CARD9: variants seen among roughly 807,000 people sequenced by gnomAD.
CARD9 encodes the protein caspase recruitment domain family member 9.
A neutral mutation model predicts 66.0 loss-of-function variants in CARD9; 53 were observed. The ratio of observed to expected loss-of-function variants is 0.80; its 90% CI spans 0.64 to 1.01. CARD9 has a LOEUF of 1.01. Among genes scored for constraint, CARD9 ranks in the 50% least tolerant of loss-of-function variants. CARD9 has a pLI of 0.00. For synonymous variants in CARD9, 387 were observed against 313.8 expected (o/e 1.23, Z -2.47); for missense variants, 769 against 743.2 (o/e 1.03, Z -0.40).
chr9:136,365,408 T>A, intron 10 of CARD9, 191 bp from the exon 11 acceptor site: 1 of 602,986 alleles, frequency 1.7e-6, no homozygotes, highest in Non-Finnish European at 3.0e-6. Context: ...GCCTGTTCAT[T>A]GCTCCAGGAG....
At chr9:136,370,086 A>C in intron 6 of CARD9, 1 of 1,382,218 alleles carries the variant, frequency 7.2e-7, no homozygotes, top group South Asian at 1.4e-5. Context: ...GCTGTGCCTC[A>C]GGCACCATGA....
At position 136,370,417 on chromosome 9, in the gene CARD9, G is replaced by T; in HGVS notation, c.828C>A (p.Ser276Arg). Residue 276 changes from serine to arginine, a missense_variant, in exon 6 of 13, where the codon AGC (serine) becomes AGA (arginine). Coordinates refer to ENST00000371732, the MANE Select transcript of CARD9 (RefSeq NM_052813.5). ...CCTCCAGTACCTGGATGTAGGGGCT[G>T]CTCCTGTCCAGCTTCCCCTCCTGAA... ...ASVQEGKLDR[S>R]SPYIQVLEED... is the part of the protein sequence containing the mutation. 1 of 1,611,012 alleles carries T rather than the reference G, an allele frequency of 6.2e-7. No homozygotes were observed.
chr9:136,368,679 C>A (rs1010582945), intron 7 of CARD9, among the ~76,000 whole-genome samples: 5 of 152,262 alleles, frequency 3.3e-5, no homozygotes, highest in Admixed American at 1.3e-4. Context: ...GACGCTCCAT[C>A]CGGCTCACAG....
At chr9:136,366,905 CA>C in intron 9 of CARD9, 60 bp from the exon 10 acceptor site, 1 of 1,581,914 alleles carries the variant, frequency 6.3e-7, no homozygotes, top group Non-Finnish European at 8.7e-7. Context: ...GACCCGGCCA[CA>C]CTGCCCACCC....
chr9:136,373,169 C>G (rs1407474850), intron 1 of CARD9, among the ~76,000 whole-genome samples: 1 of 152,218 alleles, frequency 6.6e-6, no homozygotes, highest in African/African-American at 2.4e-5. Context: ...ACATAGTTGC[C>G]CCAGGCTTGG....
chr9:136,364,676 C>G (rs1256688362), intron 11 of CARD9, 117 bp from the exon 12 acceptor site: 1 of 1,026,004 alleles, frequency 9.7e-7, no homozygotes, highest in East Asian at 2.6e-5. Flanking sequence ...GGAGCCCAGA[C>G]AGCCTCAGCT....
chr9:136,367,240 A>G lies in CARD9; in HGVS notation c.1287T>C (p.Asp429=). The part of the protein sequence containing the change: ...ETLVLSSDLE[D]GSPRRSQELS... Reference sequence around the variant, plus strand: ...CCTCCTGGGACCTCCTGGGTGAGCCATCTTCCAGGTCGGAGCTCTGTGGTC... The same window carrying G: ...CCTCCTGGGACCTCCTGGGTGAGCCGTCTTCCAGGTCGGAGCTCTGTGGTC... Residue 429 remains aspartate, a synonymous_variant, in exon 9 of 13, where the codon GAT becomes GAC. Coordinates refer to ENST00000371732, the MANE Select transcript of CARD9 (RefSeq NM_052813.5). 6.2e-7 allele frequency: 1 copy of G among 1,612,906 alleles called. No homozygotes were observed. Among genetic ancestry groups the G allele is most frequent in the Non-Finnish European group, 8.5e-7 (1 of 1,179,854 alleles).
rs375692399 is a variant in CARD9, at chr9:136,370,716, G to C, written c.628-15C>G. The C allele has an allele frequency of 6.2e-7, 1 of 1,612,558 alleles. No homozygotes were observed. Among genetic ancestry groups the C allele is most frequent in the African/African-American group, 1.3e-5 (1 of 74,944 alleles). The stretch of plus-strand genomic sequence containing the variant: ...AGCTGGTCAATCTGCAGAAGGTCCA[G>C]TGAGCCTGGCTGTCCCCTCCAGGCG... On this transcript the variant is annotated splice_polypyrimidine_tract_variant and intron_variant, in intron 4 of 12. Coordinates refer to ENST00000371732, the MANE Select transcript of CARD9 (RefSeq NM_052813.5).
Position 136,373,528 on chromosome 9 carries a change from C to T in CARD9, c.-17+4G>A, listed in dbSNP as rs1047202797. The T allele has an allele frequency of 1.0e-6, 1 of 985,734 alleles. No individual in the cohort carries two copies. Among genetic ancestry groups the T allele is most frequent in the South Asian group, 4.7e-5 (1 of 21,292 alleles). 61.1% of individuals were successfully genotyped at this position (985,734 alleles called of 1,614,324 possible). On this transcript the variant is annotated splice_donor_region_variant and intron_variant, in intron 1 of 12. Transcript: ENST00000371732. ...ACCTTTCAGAAAGCACCAGACCCAC[C>T]CACCTGAGGGTCTTCCAGGAGCCAC...
At chr9:136,365,359 G>A (rs1460824751) in intron 10 of CARD9, 142 bp from the exon 11 acceptor site, 1 of 749,202 alleles carries the variant, frequency 1.3e-6, no homozygotes, top group Middle Eastern at 3.5e-4. Context: ...TGTAGACTCT[G>A]CTTTCTGTAG....
intron 2 of CARD9, among the ~76,000 whole-genome samples, 177 bp from the exon 3 acceptor site, chr9:136,371,638 C>T (rs1442294202): frequency 1.3e-5 from 2 of 152,102 alleles, no homozygotes; most frequent in South Asian, 2.1e-4. Flanking sequence ...CAAGTGCTGC[C>T]CACCCGCCCC....
At position 136,364,691 on chromosome 9, in the gene CARD9, G is replaced by A. The variant is rs575970474; in HGVS notation, c.1435-132C>T. Reference sequence around the variant, plus strand: ...GGAGCCCAGACAGCCTCAGCTCAGCGCCAAGCTCTCCCTGTGGGACCTGCC... The same window carrying A: ...GGAGCCCAGACAGCCTCAGCTCAGCACCAAGCTCTCCCTGTGGGACCTGCC... On this transcript the variant is annotated intron_variant, in intron 11 of 12. Coordinates refer to ENST00000371732, the MANE Select transcript of CARD9 (RefSeq NM_052813.5). The A allele has an allele frequency of 1.1e-3, 950 of 883,724 alleles. 1 individual carries two copies. The highest frequency in any genetic ancestry group is 1.3e-3 in the Non-Finnish European group (790 of 590,540). The allele number at this position is 883,724 out of a possible 1,614,324, so 54.7% of individuals were successfully genotyped here. A position where few individuals can be genotyped will look rare whatever the true frequency, so the allele number is the denominator to read the frequency against.
intron 7 of CARD9, among the ~76,000 whole-genome samples, chr9:136,368,374 C>T (rs1833177696): frequency 1.3e-5 from 2 of 152,366 alleles, no homozygotes; most frequent in South Asian, 4.1e-4. Flanking sequence ...AGCCCCCGCC[C>T]TGGGAGCCAC....
At chr9:136,367,497 A>T in intron 8 of CARD9, 140 bp downstream of exon 8, 2 of 1,094,354 alleles carry the variant, frequency 1.8e-6, no homozygotes, top group Non-Finnish European at 2.6e-6. Context: ...CCCTCACCCC[A>T]CTGCCAGGAG....
intron 8 of CARD9, 117 bp downstream of exon 8, chr9:136,367,520 G>T: frequency 7.6e-7 from 1 of 1,309,180 alleles, no homozygotes; most frequent in Non-Finnish European, 1.0e-6. Flanking sequence ...GTTTGGTTAG[G>T]TTGGGGCCCG....
chr9:136,367,837 A>T lies in CARD9; in HGVS notation c.1078-9T>A, dbSNP rs570573080. 2 of 1,596,708 alleles carry T rather than the reference A, an allele frequency of 1.3e-6. No individual in the cohort carries two copies. The highest frequency in any genetic ancestry group is 2.2e-5 in the East Asian group (1 of 44,714). On this transcript the variant is annotated splice_polypyrimidine_tract_variant and intron_variant, in intron 7 of 12. Transcript: ENST00000371732. ...TCCCGCGTGGCTATGGCCTGACGGG[A>T]CAGCACAAGGCCGACCCTCAGTGAG...
At chr9:136,371,202 A>G in intron 3 of CARD9, 57 bp from the exon 4 acceptor site, 1 of 1,600,572 alleles carries the variant, frequency 6.2e-7, no homozygotes, top group South Asian at 1.1e-5. Flanking sequence ...CAGCTCCATC[A>G]CGCCCTGCGC....
At chr9:136,371,648 C>T (rs1321193641) in intron 2 of CARD9, among the ~76,000 whole-genome samples, 187 bp from the exon 3 acceptor site, 1 of 152,146 alleles carries the variant, frequency 6.6e-6, no homozygotes, top group African/African-American at 2.4e-5. Flanking sequence ...CCACCCGCCC[C>T]TTGGCTGTCT....
At chr9:136,373,397 CG>C in intron 1 of CARD9, 134 bp downstream of exon 1, 1 of 615,154 alleles carries the variant, frequency 1.6e-6, no homozygotes. Flanking sequence ...GTGAAAGGGA[CG>C]GGGCCGCATG....
Sources: gnomAD v4.1 joint callset for allele counts (sites outside exome capture counted in the v4.1 genomes callset) on GRCh38, gnomAD v4.1.1 for gene constraint, MANE v1.5 for transcripts, NCBI Gene and HGNC (gene_info 2026-07-23, HGNC 2026-07-21) for gene names.